CPVL: variants seen among roughly 807,000 people sequenced by gnomAD.
CPVL encodes the protein carboxypeptidase vitellogenic like, also known as probable serine carboxypeptidase CPVL.
A neutral mutation model predicts 63.7 loss-of-function variants in CPVL; 51 were observed. The observed-to-expected ratio is 0.80, with a 90% CI of 0.64 to 1.01. The LOEUF is 1.01. Among genes scored for constraint, CPVL ranks in the 50% least tolerant of loss-of-function variants. The pLI, the probability that CPVL is intolerant of heterozygous loss-of-function variation, is 0.00. For missense variants in CPVL, 530 were observed against 573.1 expected (o/e 0.92, Z 0.77); for synonymous variants, 195 against 206.0 (o/e 0.95, Z 0.46).
At chr7:29,192,279 A>C (rs1263299185) in intron 1 of CPVL, 1 of 152,198 alleles carries the variant, frequency 6.6e-6, no homozygotes, top group African/African-American at 2.4e-5. Context: ...GTGCCTTCAC[A>C]GCAAATACCC....
At chr7:29,133,233 T>G (rs1005827997) in intron 1 of CPVL, among the ~76,000 whole-genome samples, 2 of 151,916 alleles carry the variant, frequency 1.3e-5, no homozygotes, top group African/African-American at 4.8e-5. Context: ...TCTTTCTTAA[T>G]GTATTCTGAC....
intron 5 of CPVL, among the ~76,000 whole-genome samples, chr7:29,162,203 C>T (rs998289631): frequency 2.0e-5 from 3 of 152,146 alleles, no homozygotes; most frequent in Non-Finnish European, 4.4e-5. Context: ...CTTATATTCA[C>T]ACAAAAACTG....
chr7:29,039,191 T>C (rs1173214778), intron 11 of CPVL, among the ~76,000 whole-genome samples: 1 of 152,230 alleles, frequency 6.6e-6, no homozygotes, highest in Non-Finnish European at 1.5e-5. Context: ...AAATCATAAA[T>C]TGAATTTCAG....
intron 1 of CPVL, among the ~76,000 whole-genome samples, chr7:29,135,212 C>T (rs1791080365): frequency 1.3e-5 from 2 of 151,814 alleles, no homozygotes; most frequent in Non-Finnish European, 2.9e-5. Flanking sequence ...CATCAAGTTC[C>T]CAGATCAAGA....
intron 6 of CPVL, among the ~76,000 whole-genome samples, chr7:29,086,946 A>G (rs1785259882): frequency 6.6e-6 from 1 of 152,004 alleles, no homozygotes; most frequent in Non-Finnish European, 1.5e-5. Flanking sequence ...TTGCTTACCA[A>G]CCCCCACTGT....
At chr7:29,035,015 T>C (rs866423883) in intron 11 of CPVL, among the ~76,000 whole-genome samples, 3 of 152,268 alleles carry the variant, frequency 2.0e-5, no homozygotes, top group South Asian at 2.1e-4. Flanking sequence ...TTTTAATTCA[T>C]AGACAGTCTT....
At chr7:29,187,191 T>A (rs949148753) in intron 1 of CPVL, among the ~76,000 whole-genome samples, 4 of 152,160 alleles carry the variant, frequency 2.6e-5, no homozygotes, top group African/African-American at 9.7e-5. Flanking sequence ...CTTTATCTTA[T>A]AGGGGCCAAA....
At position 29,098,178 on chromosome 7, in the gene CPVL, G is replaced by A. The variant is rs1327491807; in HGVS notation, c.289-1961C>T. Among the ~76,000 whole-genome samples, 17 of 152,164 alleles carry A rather than the reference G, an allele frequency of 1.1e-4. 1 individual carries two copies. The highest frequency in any genetic ancestry group is 1.1e-3 in the Admixed American group (17 of 15,272). ...AAGGTCTGAGTGGATGCGTTCCATT[G>A]ACCTGGATGGCGGGAGAAGGCTGAG... is the stretch of plus-strand genomic sequence containing the variant. On this transcript the variant is annotated intron_variant, in intron 3 of 12. Coordinates refer to ENST00000265394, the MANE Select transcript of CPVL (RefSeq NM_031311.5).
intron 11 of CPVL, among the ~76,000 whole-genome samples, chr7:29,039,894 T>C (rs1788904183): frequency 6.6e-6 from 1 of 152,222 alleles, no homozygotes; most frequent in Non-Finnish European, 1.5e-5. Flanking sequence ...CAATATATCA[T>C]AATACTTTGC....
chr7:29,055,034 AT>A (rs1295585270), intron 11 of CPVL, among the ~76,000 whole-genome samples: 1 of 152,130 alleles, frequency 6.6e-6, no homozygotes, highest in East Asian at 1.9e-4. Flanking sequence ...GCCTTCAAAT[AT>A]TTCATACATA....
intron 12 of CPVL, among the ~76,000 whole-genome samples, chr7:29,026,714 C>T (rs1302056569): frequency 6.6e-6 from 1 of 152,032 alleles, no homozygotes; most frequent in Non-Finnish European, 1.5e-5. Flanking sequence ...TTATGGACAA[C>T]TTTAGCCTAA....
chr7:29,158,133 A>G (rs905643503), intron 5 of CPVL, among the ~76,000 whole-genome samples: 1 of 152,130 alleles, frequency 6.6e-6, no homozygotes, highest in Admixed American at 6.6e-5. Context: ...AGAAGAGGGG[A>G]GTGGGCTGTA....
chr7:29,079,340 T>C (rs548525328), intron 7 of CPVL, among the ~76,000 whole-genome samples: 57 of 152,296 alleles, frequency 3.7e-4, no homozygotes, highest in Admixed American at 9.1e-4. Flanking sequence ...GCTGCACCAC[T>C]AGCTCATTTC....
intron 12 of CPVL, among the ~76,000 whole-genome samples, chr7:29,002,897 A>G (rs1377323339): frequency 3.3e-5 from 5 of 151,108 alleles, no homozygotes; most frequent in Admixed American, 3.3e-4. Context: ...AGAAGACGAC[A>G]TGAAACCATG....
intron 11 of CPVL, among the ~76,000 whole-genome samples, chr7:29,037,552 CAAAAAAAA>C (rs35631871): frequency 0.019 from 1,061 of 56,366 alleles, 8 homozygotes; most frequent in Middle Eastern, 0.043. Flanking sequence ...GACTCCATCT[CAAAAAAAA>C]AAAAAAAAAA....
At chr7:29,135,204 T>A (rs568173862) in intron 1 of CPVL, among the ~76,000 whole-genome samples, 10 of 151,694 alleles carry the variant, frequency 6.6e-5, no homozygotes, top group African/African-American at 2.4e-4. Flanking sequence ...AAAGGAACCA[T>A]CAAGTTCCCA....
At chr7:29,008,442 T>C (rs1387749469) in intron 12 of CPVL, among the ~76,000 whole-genome samples, 2 of 152,130 alleles carry the variant, frequency 1.3e-5, no homozygotes, top group African/African-American at 2.4e-5. Flanking sequence ...AGTGGGATAT[T>C]GGAAAAGGAA....
intron 5 of CPVL, among the ~76,000 whole-genome samples, chr7:29,167,191 A>C (rs923079362): frequency 6.6e-6 from 1 of 152,164 alleles, no homozygotes; most frequent in Non-Finnish European, 1.5e-5. Flanking sequence ...CTAACTTTTA[A>C]TTATTTATTT....
chr7:29,129,876 AG>A (rs1183797823), intron 1 of CPVL, among the ~76,000 whole-genome samples: 1 of 152,114 alleles, frequency 6.6e-6, no homozygotes, highest in African/African-American at 2.4e-5. Flanking sequence ...TAATAAGAGG[AG>A]GGAACTTTAG....
Sources: gnomAD v4.1 joint callset for allele counts (sites outside exome capture counted in the v4.1 genomes callset) on GRCh38, gnomAD v4.1.1 for gene constraint, MANE v1.5 for transcripts, NCBI Gene and HGNC (gene_info 2026-07-23, HGNC 2026-07-21) for gene names.